The following CACNB2 variants were observed in gnomAD, a reference collection of about 807,000 sequenced individuals.
CACNB2 encodes the protein calcium voltage-gated channel auxiliary subunit beta 2.
In CACNB2, 42 loss-of-function variants were observed where a neutral mutation model predicts 73.3. The ratio of observed to expected loss-of-function variants is 0.57; its 90% CI spans 0.45 to 0.74. CACNB2 has a LOEUF of 0.74. CACNB2 is among the 30% of genes least tolerant of loss of function. The pLI, the probability that CACNB2 is intolerant of heterozygous loss-of-function variation, is 0.00. For missense variants in CACNB2, 940 were observed against 853.0 expected (o/e 1.10, Z -1.27); for synonymous variants, 348 against 310.3 (o/e 1.12, Z -1.28).
At chr10:18,189,512 A>G (rs943113289) in intron 2 of CACNB2, among the ~76,000 whole-genome samples, 1 of 152,170 alleles carries the variant, frequency 6.6e-6, no homozygotes, top group African/African-American at 2.4e-5. Context: ...TAAGTTGAAT[A>G]CTGTGAACCC....
At chr10:18,400,755 C>G in intron 2 of CACNB2, 1 of 1,345,026 alleles carries the variant, frequency 7.4e-7, no homozygotes, top group Non-Finnish European at 9.6e-7. Flanking sequence ...CGAGTTGATG[C>G]TCGGCTTTTG....
At chr10:18,262,757 A>C (rs1317123406) in intron 2 of CACNB2, among the ~76,000 whole-genome samples, 2 of 152,242 alleles carry the variant, frequency 1.3e-5, no homozygotes, top group Non-Finnish European at 2.9e-5. Context: ...ATAATGAATT[A>C]GAAGAAATCC....
intron 3 of CACNB2, among the ~76,000 whole-genome samples, chr10:18,463,261 C>A (rs1489776640): frequency 6.6e-6 from 1 of 152,068 alleles, no homozygotes; most frequent in Non-Finnish European, 1.5e-5. Context: ...TGGTGGCTCA[C>A]ACCTGTAATC....
At chr10:18,462,015 C>T (rs550328294) in intron 3 of CACNB2, among the ~76,000 whole-genome samples, 1 of 152,192 alleles carries the variant, frequency 6.6e-6, no homozygotes, top group South Asian at 2.1e-4. Flanking sequence ...CCTCTCCACC[C>T]TCACAGCCAG....
chr10:18,440,274 C>T (rs1170892237), intron 3 of CACNB2, among the ~76,000 whole-genome samples: 1 of 152,090 alleles, frequency 6.6e-6, no homozygotes, highest in African/African-American at 2.4e-5. Context: ...ATAACTATAG[C>T]CTTGGAGATT....
chr10:18,539,837 T>A lies in CACNB2; in HGVS notation c.*113T>A. 9.1e-7 allele frequency: 1 copy of A among 1,101,196 alleles called. No homozygotes were observed. The highest frequency in any genetic ancestry group is 2.3e-4 in the Middle Eastern group (1 of 4,428). The allele number at this position is 1,101,196 out of a possible 1,614,324, so 68.2% of individuals were successfully genotyped here. Reference sequence around the variant, plus strand: ...CTGCAATCATATGTGATCTGTCTTGTAATATTTTGTATTATTGCTGTTGCT... The same window carrying A: ...CTGCAATCATATGTGATCTGTCTTGAAATATTTTGTATTATTGCTGTTGCT... On this transcript the variant is annotated 3_prime_UTR_variant, in exon 14 of 14. Transcript: ENST00000324631.
intron 3 of CACNB2, among the ~76,000 whole-genome samples, chr10:18,407,163 C>A (rs909143430): frequency 7.8e-6 from 1 of 128,072 alleles, no homozygotes; most frequent in Non-Finnish European, 1.6e-5. Context: ...CCCTCTGTCG[C>A]CCAGGCTGGA....
At chr10:18,189,999 T>C (rs60620961) in intron 2 of CACNB2, among the ~76,000 whole-genome samples, 2,790 of 152,306 alleles carry the variant, frequency 0.018, 94 homozygotes, top group African/African-American at 0.062. Flanking sequence ...AAGCAAATGC[T>C]GTTAATCTTC....
At chr10:18,492,355 T>A (rs11014496) in intron 3 of CACNB2, among the ~76,000 whole-genome samples, 1 of 152,026 alleles carries the variant, frequency 6.6e-6, no homozygotes, top group African/African-American at 2.4e-5. Context: ...GCGTGGTGGC[T>A]CACACCTGTA....
At chr10:18,528,303 G>T (rs1374553602) in intron 10 of CACNB2, among the ~76,000 whole-genome samples, 2 of 152,054 alleles carry the variant, frequency 1.3e-5, no homozygotes, top group Non-Finnish European at 2.9e-5. Context: ...TGTGTTTACA[G>T]AGATGGTATG....
intron 2 of CACNB2, among the ~76,000 whole-genome samples, chr10:18,332,495 C>T (rs1334203775): frequency 6.6e-6 from 1 of 152,136 alleles, no homozygotes; most frequent in Non-Finnish European, 1.5e-5. Flanking sequence ...ACTCAAAGAC[C>T]TTAAATATTT....
At chr10:18,489,289 C>T (rs888235016) in intron 3 of CACNB2, among the ~76,000 whole-genome samples, 3 of 149,726 alleles carry the variant, frequency 2.0e-5, no homozygotes, top group Admixed American at 6.8e-5. Context: ...ACTCAGTGGG[C>T]TGAGGCAGGA....
intron 3 of CACNB2, among the ~76,000 whole-genome samples, chr10:18,436,716 A>G (rs538780951): frequency 7.1e-4 from 108 of 152,370 alleles, no homozygotes; most frequent in African/African-American, 2.4e-3. Flanking sequence ...TAGATGCCAA[A>G]GCCAAATGAG....
rs71402158 is a variant in CACNB2, at chr10:18,356,942, C to CTTTTTTT, written c.214-44968_214-44962dup. Among the ~76,000 whole-genome samples the CTTTTTTT allele has an allele frequency of 8.3e-3, 838 of 100,922 alleles. 2 individuals carry two copies. Among genetic ancestry groups the CTTTTTTT allele is most frequent in the Middle Eastern group, 0.017 (3 of 174 alleles). The allele number at this position is 100,922 out of a possible 152,430, so 66.2% of individuals were successfully genotyped here. On this transcript the variant is annotated intron_variant, in intron 2 of 13. Transcript: ENST00000324631. ...ACTGTGCCTGGCCCAGACTCAATTT[C>CTTTTTTT]TTTTTTTTTTTTTTTTTTTTGAGAC...
intron 3 of CACNB2, among the ~76,000 whole-genome samples, chr10:18,467,780 T>C (rs1336247704): frequency 6.6e-6 from 1 of 152,166 alleles, no homozygotes; most frequent in African/African-American, 2.4e-5. Context: ...CCAGGCACAG[T>C]CTATCAACCC....
intron 1 of CACNB2, 28 bp from the exon 2 acceptor site, chr10:18,150,855 C>CTTTTTTGTTTTTTT: frequency 4.1e-6 from 2 of 483,392 alleles, no homozygotes; most frequent in Non-Finnish European, 6.1e-6. Context: ...TCTTATTTGT[C>CTTTTTTGTTTTTTT]TTTTTTTTTT....
intron 2 of CACNB2, chr10:18,256,523 A>C (rs116984108): frequency 6.6e-6 from 1 of 152,240 alleles, no homozygotes; most frequent in Non-Finnish European, 1.5e-5. Flanking sequence ...TCCCAGCCTG[A>C]GTTCCTGATT....
At chr10:18,237,555 T>C (rs2036494060) in intron 2 of CACNB2, among the ~76,000 whole-genome samples, 1 of 152,202 alleles carries the variant, frequency 6.6e-6, no homozygotes. Context: ...ATTTTGAATG[T>C]CTAGCCTCCA....
intron 3 of CACNB2, among the ~76,000 whole-genome samples, chr10:18,412,919 A>T (rs576710660): frequency 6.6e-6 from 1 of 152,316 alleles, no homozygotes; most frequent in South Asian, 2.1e-4. Flanking sequence ...TGTACCCAGG[A>T]TTCAGCCAGA....
Sources: allele counts gnomAD v4.1 joint callset (sites outside exome capture counted in the v4.1 genomes callset), GRCh38; gene constraint gnomAD v4.1.1; transcripts MANE v1.5; gene names NCBI Gene and HGNC (gene_info 2026-07-23, HGNC 2026-07-21).